THOC5: variants seen among roughly 807,000 people sequenced by gnomAD.
THOC5 encodes Fms-interacting protein.
THOC5 carries 43 observed loss-of-function variants against 92.9 expected under a neutral mutation model. The ratio of observed to expected loss-of-function variants is 0.46; its 90% CI spans 0.36 to 0.60. THOC5 has a LOEUF of 0.60. Ranked by LOEUF, THOC5 falls within the 20% of genes least tolerant of loss-of-function variation. THOC5 has a pLI of 0.00. For missense variants in THOC5, 659 were observed against 849.4 expected, an observed-to-expected ratio of 0.78 and a Z score of 2.79; for synonymous variants, 296 against 320.1, an observed-to-expected ratio of 0.92 and a Z score of 0.80.
chr22:29,542,939 A>G lies in THOC5; in HGVS notation c.372T>C (p.Asp124=), dbSNP rs1404255704. 1.2e-6 allele frequency: 2 copies of G among 1,612,496 alleles called. No individual in the cohort carries two copies. Among genetic ancestry groups the G allele is most frequent in the Non-Finnish European group, 1.7e-6 (2 of 1,179,142 alleles). The change falls in exon 5 of 20, where the codon GAT becomes GAC. Residue 124 remains aspartate (D), a synonymous_variant. Coordinates refer to ENST00000490103, the MANE Select transcript of THOC5 (RefSeq NM_003678.5). The part of the protein sequence containing the change: ...DQTHEAKQKV[D]AYHLQLQNLL... The stretch of plus-strand genomic sequence containing the variant: ...GGTTCTGGAGCTGCAGATGATAGGC[A>G]TCTACTTTCTGCTTAGCCTGAAAGG...
intron 2 of THOC5, among the ~76,000 whole-genome samples, chr22:29,545,833 A>G (rs1317727978): frequency 1.1e-4 from 16 of 152,144 alleles, no homozygotes; most frequent in Non-Finnish European, 1.5e-5. Context: ...TGGATCTACC[A>G]TTCTAGGGTC....
chr22:29,552,281 G>GCGA (rs2064170973), intron 1 of THOC5, among the ~76,000 whole-genome samples: 1 of 150,244 alleles, frequency 6.7e-6, no homozygotes, highest in Non-Finnish European at 1.5e-5. Flanking sequence ...CTGCCCGGCT[G>GCGA]CCCAGTCTGG....
chr22:29,551,833 C>G (rs532806185), intron 1 of THOC5, among the ~76,000 whole-genome samples: 4,483 of 143,256 alleles, frequency 0.031, 121 homozygotes, highest in Non-Finnish European at 0.042. Flanking sequence ...CCTCTGATGC[C>G]GAGCCGAAGC....
chr22:29,514,605 C>T (rs1465092833), intron 17 of THOC5, among the ~76,000 whole-genome samples: 3 of 151,936 alleles, frequency 2.0e-5, no homozygotes, highest in South Asian at 2.1e-4. Context: ...CCTGAGCCAC[C>T]GCACCCGGCC....
At chr22:29,522,197 A>C (rs2146472172) in intron 12 of THOC5, among the ~76,000 whole-genome samples, 1 of 149,378 alleles carries the variant, frequency 6.7e-6, no homozygotes, top group Middle Eastern at 3.4e-3. Context: ...AAAAATACAA[A>C]AAAAAAAAAA....
At chr22:29,551,784 ACCCCTCCCCCTCC>A (rs1305579671) in intron 1 of THOC5, among the ~76,000 whole-genome samples, 1 of 136,128 alleles carries the variant, frequency 7.3e-6, no homozygotes, top group Non-Finnish European at 1.6e-5. Flanking sequence ...TTTTTAGTAA[ACCCCTCCCCCTCC>A]CCCCTCCCCC....
Position 29,520,101 on chromosome 22 carries a change from G to A in THOC5, c.1281C>T (p.Ile427=). Residue 427 remains isoleucine, a synonymous_variant, in exon 14 of 20, where the codon ATC becomes ATT. Coordinates refer to ENST00000490103, the MANE Select transcript of THOC5 (RefSeq NM_003678.5). ...CAAGTACATAGTCGCTCAAAGTCAG[G>A]ATGCTGCAGAAAAGAAGATAAATAA... The part of the protein sequence containing the change: ...ANQYQFDKVG[I]LTLSDYVLEL... The A allele has an allele frequency of 3.1e-6, 5 of 1,613,208 alleles. No individual in the cohort carries two copies. Among genetic ancestry groups the A allele is most frequent in the Non-Finnish European group, 3.4e-6 (4 of 1,179,386 alleles).
At position 29,536,742 on chromosome 22, in the gene THOC5, T is replaced by A; in HGVS notation, c.600-4A>T. 1 of 1,561,540 alleles carries A rather than the reference T, an allele frequency of 6.4e-7. No homozygotes were observed. Among genetic ancestry groups the A allele is most frequent in the East Asian group, 2.2e-5 (1 of 44,602 alleles). On this transcript the variant is annotated splice_region_variant and splice_polypyrimidine_tract_variant and intron_variant, in intron 6 of 19. Coordinates refer to ENST00000490103, the MANE Select transcript of THOC5 (RefSeq NM_003678.5). ...CTCTCGGTACTTCTCTGCCAGCCTGTTGGGGGAGGAAAGAGCATTGTCACC... is the reference window on the plus strand; with the variant it reads ...CTCTCGGTACTTCTCTGCCAGCCTGATGGGGGAGGAAAGAGCATTGTCACC...
intron 19 of THOC5, among the ~76,000 whole-genome samples, chr22:29,508,982 G>A (rs2063171479): frequency 6.6e-6 from 1 of 152,012 alleles, no homozygotes; most frequent in Admixed American, 6.6e-5. Flanking sequence ...TTTAGTTTAG[G>A]TTTTGCCATG....
At position 29,508,512 on chromosome 22, in the gene THOC5, C is replaced by A; in HGVS notation, c.1997G>T (p.Ser666Ile). 3 of 1,613,846 alleles carry A rather than the reference C, an allele frequency of 1.9e-6. No homozygotes were observed. The highest frequency in any genetic ancestry group is 2.5e-6 in the Non-Finnish European group (3 of 1,179,760). Residue 666 changes from serine to isoleucine, a missense_variant, in exon 20 of 20, where the codon AGC becomes ATC. By Grantham distance (142) the Ser-to-Ile change is moderately radical. Coordinates refer to ENST00000490103, the MANE Select transcript of THOC5 (RefSeq NM_003678.5). ...GTTGTATTTAAATGGCTTCATCCTGCTAGGACCCCTAGAGAAATAGGAGAA... is the reference window on the plus strand; with the variant it reads ...GTTGTATTTAAATGGCTTCATCCTGATAGGACCCCTAGAGAAATAGGAGAA... ...KMCLRLFRGP[S>I]RMKPFKYNHP...
intron 7 of THOC5, among the ~76,000 whole-genome samples, chr22:29,534,292 G>C (rs138957788): frequency 6.6e-6 from 1 of 152,164 alleles, no homozygotes; most frequent in South Asian, 2.1e-4. Flanking sequence ...TAGGGACTGC[G>C]AGGGGGAATA....
At chr22:29,528,836 T>A (rs4823044) in intron 9 of THOC5, 2 of 488,302 alleles carry the variant, frequency 4.1e-6, no homozygotes, top group Non-Finnish European at 3.6e-6. Flanking sequence ...TGCTAAAGGC[T>A]GTATGTGCAT....
intron 2 of THOC5, among the ~76,000 whole-genome samples, chr22:29,546,387 G>C (rs897415993): frequency 2.3e-4 from 35 of 150,662 alleles, no homozygotes; most frequent in Non-Finnish European, 4.0e-4. Flanking sequence ...CAACCAACTT[G>C]AATTTCTCCG....
intron 1 of THOC5, among the ~76,000 whole-genome samples, chr22:29,551,726 G>C (rs2064148796): frequency 1.3e-5 from 2 of 151,866 alleles, no homozygotes; most frequent in Admixed American, 1.3e-4. Context: ...ACTCAGTCTT[G>C]ACAACAGAGA....
chr22:29,535,666 C>T (rs1244240733), intron 7 of THOC5: 1 of 152,176 alleles, frequency 6.6e-6, no homozygotes, highest in Admixed American at 6.5e-5. Flanking sequence ...TTAACCTGTA[C>T]CCTATTTAAG....
chr22:29,539,421 G>A lies in THOC5; in HGVS notation c.508C>T (p.Pro170Ser), dbSNP rs905741778. 4 of 1,614,112 alleles carry A rather than the reference G, an allele frequency of 2.5e-6. No individual in the cohort carries two copies. Among genetic ancestry groups the A allele is most frequent in the Non-Finnish European group, 2.5e-6 (3 of 1,180,018 alleles). ...ACTTCGGCCTTGCTGATATCTGGTG[G>A]AGCCTCCTTATAAAACTCCTCTAAA... ...VSLEEFYKEA[P>S]PDISKAEVTM... Residue 170 changes from proline (P) to serine (S), a missense_variant, in exon 6 of 20, where the codon CCA (proline) becomes TCA (serine). Pro to Ser is a moderately conservative substitution (Grantham distance 74). Transcript: ENST00000490103.
chr22:29,511,807 T>A lies in THOC5; in HGVS notation c.1797+214A>T, dbSNP rs529265621. 6.7e-3 allele frequency among the ~76,000 whole-genome samples: 1,020 copies of A among 152,316 alleles called. 11 individuals carry two copies. Among genetic ancestry groups the A allele is most frequent in the African/African-American group, 0.023 (960 of 41,554 alleles). On this transcript the variant is annotated intron_variant, in intron 18 of 19. Transcript: ENST00000490103. ...TAGGTATTTCTCCTTACTCTCTAAGTGGGGAAACCTGTGGACCCCAAGGTA... is the reference window on the plus strand; with the variant it reads ...TAGGTATTTCTCCTTACTCTCTAAGAGGGGAAACCTGTGGACCCCAAGGTA...
At chr22:29,529,651 T>TCTATTCTACA (rs1212965771) in intron 8 of THOC5, among the ~76,000 whole-genome samples, 2 of 152,218 alleles carry the variant, frequency 1.3e-5, no homozygotes, top group African/African-American at 4.8e-5. Context: ...GTGCTTATTC[T>TCTATTCTACA]CTATTCTACA....
At chr22:29,509,182 AG>A (rs1311262198) in intron 19 of THOC5, among the ~76,000 whole-genome samples, 1 of 151,484 alleles carries the variant, frequency 6.6e-6, no homozygotes, top group Non-Finnish European at 1.5e-5. Context: ...AAGCCCTTCA[AG>A]AATGGGGTCC....
Sources: allele counts gnomAD v4.1 joint callset (sites outside exome capture counted in the v4.1 genomes callset), GRCh38; gene constraint gnomAD v4.1.1; transcripts MANE v1.5; gene names NCBI Gene and HGNC (gene_info 2026-07-23, HGNC 2026-07-21).